Variants in POU2F2 observed in about 807,000 individuals in gnomAD.
POU2F2 encodes the protein POU class 2 homeobox 2.
In POU2F2, 14 loss-of-function variants were observed where a neutral mutation model predicts 63.5. The observed-to-expected ratio is 0.22, with a 90% CI of 0.15 to 0.34. POU2F2 has a LOEUF of 0.34. Among genes scored for constraint, POU2F2 ranks in the 10% least tolerant of loss-of-function variants. POU2F2 has a pLI of 1.00. For synonymous variants in POU2F2, 306 were observed against 348.6 expected (o/e 0.88, Z 1.36); for missense variants, 607 against 815.2 (o/e 0.74, Z 3.11).
intron 1 of POU2F2, among the ~76,000 whole-genome samples, chr19:42,188,681 A>T (rs1319370536): frequency 6.7e-6 from 1 of 149,216 alleles, no homozygotes; most frequent in African/African-American, 2.5e-5. Flanking sequence ...AAAAAAAAAA[A>T]AAAAAGAAAG....
At chr19:42,093,987 TG>T in intron 11 of POU2F2, 92 bp from the exon 12 acceptor site, 1 of 1,105,588 alleles carries the variant, frequency 9.0e-7, no homozygotes, top group Non-Finnish European at 1.3e-6. Context: ...CGTCCCAGGA[TG>T]GGGGCAGGGG....
In POU2F2 at chr19:42,086,196, C is replaced by A. The variant is rs1323965340; in HGVS notation, c.*5061G>T. The A allele has an allele frequency of 6.6e-6, 1 of 151,900 alleles. No individual in the cohort carries two copies. The highest frequency in any genetic ancestry group is 2.4e-5 in the African/African-American group (1 of 41,310). 9.4% of individuals were successfully genotyped at this position (151,900 alleles called of 1,614,324 possible). A position where few individuals can be genotyped will look rare whatever the true frequency, so the allele number is the denominator to read the frequency against. On this transcript the variant is annotated 3_prime_UTR_variant, in exon 15 of 15. Coordinates refer to ENST00000692977, the MANE Select transcript of POU2F2 (RefSeq NM_001394376.1). ...ACACACTCAAGTTACAAAAATGGGG[C>A]CTTAAAAGAAGCACATTGTACAATG...
At chr19:42,110,735 C>T (rs1347576633) in intron 5 of POU2F2, 1 of 456,180 alleles carries the variant, frequency 2.2e-6, no homozygotes, top group East Asian at 6.9e-5. Flanking sequence ...GGTGACACCA[C>T]AATAAGTCTT....
chr19:42,097,320 C>T (rs1366891818), intron 7 of POU2F2, among the ~76,000 whole-genome samples: 3 of 151,678 alleles, frequency 2.0e-5, no homozygotes, highest in East Asian at 2.0e-4. Flanking sequence ...GCCTCAGCCT[C>T]CCGAGTAGCT....
intron 1 of POU2F2, among the ~76,000 whole-genome samples, chr19:42,192,949 G>A (rs779632518): frequency 6.6e-6 from 1 of 152,042 alleles, no homozygotes; most frequent in Admixed American, 6.6e-5. Context: ...AGCCAGGCGC[G>A]GTGGCTCACG....
chr19:42,132,656 C>T (rs756961954), upstream of POU2F2: 1 of 405,270 alleles, frequency 2.5e-6, no homozygotes, highest in East Asian at 3.6e-5. Flanking sequence ...GAGCCGACTC[C>T]TACGGCTGCG....
At chr19:42,146,044 A>G (rs1379565174) in intron 2 of POU2F2, among the ~76,000 whole-genome samples, 1 of 150,942 alleles carries the variant, frequency 6.6e-6, no homozygotes, top group Non-Finnish European at 1.5e-5. Flanking sequence ...AAAAAAAAAA[A>G]AAAAAAAAGA....
intron 1 of POU2F2, among the ~76,000 whole-genome samples, chr19:42,128,790 G>C (rs935441420): frequency 1.3e-5 from 2 of 151,982 alleles, no homozygotes; most frequent in African/African-American, 4.8e-5. Flanking sequence ...AGTGGTACAG[G>C]GTGTGACTTG....
At chr19:42,151,648 G>T (rs1361549123) in intron 2 of POU2F2, among the ~76,000 whole-genome samples, 1 of 152,224 alleles carries the variant, frequency 6.6e-6, no homozygotes, top group African/African-American at 2.4e-5. Context: ...CCAGAGAGGG[G>T]AGACGGCCCA....
chr19:42,193,183 A>C (rs1291535110), intron 1 of POU2F2, among the ~76,000 whole-genome samples: 1 of 148,958 alleles, frequency 6.7e-6, no homozygotes, highest in East Asian at 2.0e-4. Flanking sequence ...GGGCCACTGC[A>C]CTGCAACCTG....
intron 1 of POU2F2, among the ~76,000 whole-genome samples, chr19:42,175,443 T>G (rs554807468): frequency 7.0e-6 from 1 of 143,060 alleles, no homozygotes; most frequent in South Asian, 2.2e-4. Context: ...ACAGGGGAAA[T>G]GAGTGGCAGG....
chr19:42,151,965 C>T (rs2034360413), intron 2 of POU2F2, among the ~76,000 whole-genome samples: 1 of 152,226 alleles, frequency 6.6e-6, no homozygotes, highest in Admixed American at 6.5e-5. Context: ...AGGAAACCAA[C>T]ATAGACAGGG....
rs189521081 is a variant in POU2F2, at chr19:42,159,358, G to T, written c.-9+974C>A. ...CCTACAATGCTGGGTTGCAAACCCT[G>T]GGCTACAGCTTCCATCTGCTTCTTA... On this transcript the variant is annotated intron_variant, in intron 2 of 6. Coordinates refer to the POU2F2 transcript ENST00000524801. Among the ~76,000 whole-genome samples, 4 of 152,202 alleles carry T rather than the reference G, an allele frequency of 2.6e-5. No individual in the cohort carries two copies. The East Asian group carries it at 7.7e-4, about 29-fold the overall frequency.
At chr19:42,113,357 A>G (rs765332005) in intron 5 of POU2F2, among the ~76,000 whole-genome samples, 24 of 152,196 alleles carry the variant, frequency 1.6e-4, no homozygotes, top group Non-Finnish European at 3.2e-4. Flanking sequence ...ATATCCACAC[A>G]GCCCCCTCGG....
chr19:42,091,342 G>A lies in POU2F2; in HGVS notation c.1790C>T (p.Ser597Phe). ...CTCGCTGCAAGTGGAGGAGGAGGAG[G>A]ATGAGGATGAAGAGGATGAGGAGGA... ...GLSSSSSSSSSSSSSTCSETA... is the reference protein window; with the variant it reads ...GLSSSSSSSSFSSSSTCSETA... Residue 597 changes from serine to phenylalanine, a missense_variant, in exon 15 of 15, where the codon TCC (serine) becomes TTC (phenylalanine). By Grantham distance (155) the Ser-to-Phe change is radical (BLOSUM62 -2). This residue lies in a region of POU2F2 where 270 missense variants were observed against 307.5 expected (regional missense o/e 0.88). Transcript: ENST00000692977. The A allele has an allele frequency of 2.0e-6, 3 of 1,536,020 alleles. No homozygotes were observed. Among genetic ancestry groups the A allele is most frequent in the African/African-American group, 2.7e-5 (2 of 73,090 alleles).
intron 1 of POU2F2, among the ~76,000 whole-genome samples, chr19:42,161,432 G>A (rs1267471849): frequency 6.6e-6 from 1 of 152,172 alleles, no homozygotes; most frequent in East Asian, 1.9e-4. Flanking sequence ...GGAGAGAACA[G>A]AGAAGTAGGC....
rs1194681200 is a variant in POU2F2 at position 42,132,313 on chromosome 19, C to T, written c.28+71G>A. 5.2e-6 allele frequency: 8 copies of T among 1,538,552 alleles called. No individual in the cohort carries two copies. The Admixed American group carries it at 1.5e-4, about 29-fold the overall frequency. Reference sequence around the variant, plus strand: ...GAGACAGCTGAGGAGGAGGGGCAGGCAGGGCCCGCAGAGCAAACCTAAATG... The same window carrying T: ...GAGACAGCTGAGGAGGAGGGGCAGGTAGGGCCCGCAGAGCAAACCTAAATG... On this transcript the variant is annotated intron_variant, in intron 1 of 14. Transcript: ENST00000692977.
At chr19:42,138,175 G>C (rs147094659) in intron 2 of POU2F2, among the ~76,000 whole-genome samples, 9 of 152,232 alleles carry the variant, frequency 5.9e-5, no homozygotes, top group Non-Finnish European at 1.2e-4. Flanking sequence ...GGGGGTCAGC[G>C]TGAGGAAGCT....
At chr19:42,171,517 G>A (rs2034767937) in intron 1 of POU2F2, among the ~76,000 whole-genome samples, 1 of 151,842 alleles carries the variant, frequency 6.6e-6, no homozygotes, top group Non-Finnish European at 1.5e-5. Flanking sequence ...GGCTTGGCGT[G>A]GGGGGCCATG....
Sources: gnomAD v4.1 joint callset for allele counts (sites outside exome capture counted in the v4.1 genomes callset) on GRCh38, gnomAD v4.1.1 for gene constraint, gnomAD v4.1.1 regional missense constraint, MANE v1.5 for transcripts, NCBI Gene and HGNC (gene_info 2026-07-23, HGNC 2026-07-21) for gene names.